COL5A1: variants seen among roughly 807,000 people sequenced by gnomAD.
COL5A1 encodes collagen type V alpha 1 chain.
Under a neutral mutation model 263.7 loss-of-function variants are expected in COL5A1, and 16 were observed. The observed-to-expected ratio is 0.06, with a 90% CI of 0.04 to 0.09. The LOEUF (loss-of-function observed/expected upper bound fraction) is 0.09, where lower values mean the gene tolerates loss of function less well. Among genes scored for constraint, COL5A1 ranks in the 10% least tolerant of loss-of-function variants. The pLI is 1.00. For synonymous variants in COL5A1, 1,012 were observed against 1,004.5 expected (o/e 1.01, Z -0.14); for missense variants, 2,036 against 2,540.5 (o/e 0.80, Z 4.27).
At position 134,821,051 on chromosome 9, in the gene COL5A1, G is replaced by A. The variant is rs1197833497; in HGVS notation, c.4554+828G>A. On this transcript the variant is annotated intron_variant, in intron 58 of 65. Coordinates refer to ENST00000371817, the MANE Select transcript of COL5A1 (RefSeq NM_000093.5). The surrounding 1 kb of genome is among the most constrained non-coding windows in gnomAD (Gnocchi z 4.2). ...GGTTGCAGGACATGGCTGAAGGGTG[G>A]AGCTCATTGCAAACCCTACCTCACT... 6.6e-6 allele frequency among the ~76,000 whole-genome samples: 1 copy of A among 152,086 alleles called. No individual in the cohort carries two copies. The highest frequency in any genetic ancestry group is 1.5e-5 in the Non-Finnish European group (1 of 68,008).
Position 134,679,690 on chromosome 9 carries a change from G to A in COL5A1, c.110-11222G>A, listed in dbSNP as rs374728895. On this transcript the variant is annotated intron_variant, in intron 1 of 65. Coordinates refer to ENST00000371817, the MANE Select transcript of COL5A1 (RefSeq NM_000093.5). ...ACTGCGGGGCTTCTTGGGGCACTGC[G>A]GGGCTGGTTAGGGGGCACTGCAGAG... is the stretch of plus-strand genomic sequence containing the variant. Among the ~76,000 whole-genome samples the A allele has an allele frequency of 1.8e-3, 236 of 133,504 alleles. 2 individuals carry two copies. The highest frequency in any genetic ancestry group is 6.5e-3 in the African/African-American group (219 of 33,842). The allele number at this position is 133,504 out of a possible 152,430, so 87.6% of individuals were successfully genotyped here.
At chr9:134,816,122 T>C in intron 52 of COL5A1, 134 bp downstream of exon 52, 3 of 828,252 alleles carry the variant, frequency 3.6e-6, no homozygotes, top group Non-Finnish European at 4.1e-6. Context: ...TCGATTCCCT[T>C]ATGATATTGA....
intron 1 of COL5A1, among the ~76,000 whole-genome samples, chr9:134,685,827 T>TCCA (rs1156713246): frequency 6.9e-6 from 1 of 144,388 alleles, no homozygotes; most frequent in Admixed American, 6.9e-5. Flanking sequence ...CATCCATCCA[T>TCCA]CCATCCATCC....
chr9:134,700,409 A>G lies in COL5A1; in HGVS notation c.491+287A>G, dbSNP rs966685825. Reference sequence around the variant, plus strand: ...TCAAATTCCCGCCTGTTTGTGTCAGAAGGGACACAGGAAATTGTGAGGTTA... The same window carrying G: ...TCAAATTCCCGCCTGTTTGTGTCAGGAGGGACACAGGAAATTGTGAGGTTA... On this transcript the variant is annotated intron_variant, in intron 3 of 65. Coordinates refer to ENST00000371817, the MANE Select transcript of COL5A1 (RefSeq NM_000093.5). This position sits in a 1 kb window ranked among gnomAD's most constrained non-coding sequence, Gnocchi z 4.0. Among the ~76,000 whole-genome samples the G allele has an allele frequency of 2.0e-5, 3 of 152,210 alleles. No homozygotes were observed. Among genetic ancestry groups the G allele is most frequent in the African/African-American group, 7.2e-5 (3 of 41,452 alleles).
rs1019541373 is a variant in COL5A1 at position 134,821,124 on chromosome 9, C to T, written c.4554+901C>T. ...GACTGTTTTCCTCTGCCGGTATCCC[C>T]AGGCCACAGCAGGGTCGTCGGAGGA... is the stretch of plus-strand genomic sequence containing the variant. On this transcript the variant is annotated intron_variant, in intron 58 of 65. Transcript: ENST00000371817. This position sits in a 1 kb window ranked among gnomAD's most constrained non-coding sequence, Gnocchi z 4.2. 1.3e-5 allele frequency among the ~76,000 whole-genome samples: 2 copies of T among 152,148 alleles called. No homozygotes were observed. The highest frequency in any genetic ancestry group is 2.9e-5 in the Non-Finnish European group (2 of 68,014).
rs764710151 is a variant in COL5A1, at chr9:134,812,757, GGAGT to G, written c.3852+47_3852+50del. The G allele has an allele frequency of 2.6e-5, 34 of 1,284,760 alleles. No individual in the cohort carries two copies. The Middle Eastern group carries it at 7.4e-4, about 28-fold the overall frequency. 79.6% of individuals were successfully genotyped at this position (1,284,760 alleles called of 1,614,324 possible). On this transcript the variant is annotated intron_variant, in intron 48 of 65. Coordinates refer to ENST00000371817, the MANE Select transcript of COL5A1 (RefSeq NM_000093.5). The stretch of plus-strand genomic sequence containing the variant: ...TGGTGGCAGATTTGCGGTTGTTTGA[GGAGT>G]GTGTGTGTGTGTCTGTGTGTGTGTG...
intron 48 of COL5A1, among the ~76,000 whole-genome samples, 193 bp from the exon 49 acceptor site, chr9:134,813,790 C>T (rs1027663803): frequency 1.3e-5 from 2 of 152,266 alleles, no homozygotes; most frequent in African/African-American, 2.4e-5. Context: ...CTGTATCCAT[C>T]ACGTGCCTGC....
intron 1 of COL5A1, among the ~76,000 whole-genome samples, chr9:134,685,548 GCATC>G (rs1374400707): frequency 2.1e-4 from 18 of 87,120 alleles, no homozygotes; most frequent in Non-Finnish European, 1.3e-4. Context: ...CATCCATCCA[GCATC>G]CATCCATCCA....
chr9:134,679,459 G>A (rs1365110768), intron 1 of COL5A1, among the ~76,000 whole-genome samples: 2 of 95,854 alleles, frequency 2.1e-5, no homozygotes, highest in African/African-American at 8.4e-5. Context: ...GGGGCACTGC[G>A]GGGCTTCTTA....
Position 134,789,742 on chromosome 9 carries a change from C to T in COL5A1, c.2700+534C>T, listed in dbSNP as rs548940285. ...TTTGTCCTCACCCTCAGCGAAGGAA[C>T]AGGGGGCCGGGCTGAGGGAGCTGTG... On this transcript the variant is annotated intron_variant, in intron 32 of 65. Transcript: ENST00000371817. The surrounding 1 kb of genome is among the most constrained non-coding windows in gnomAD (Gnocchi z 4.8). Among the ~76,000 whole-genome samples, 1 of 152,340 alleles carries T rather than the reference C, an allele frequency of 6.6e-6. No individual in the cohort carries two copies. Among genetic ancestry groups the T allele is most frequent in the Non-Finnish European group, 1.5e-5 (1 of 68,028 alleles).
chr9:134,687,027 C>T (rs183048205), intron 1 of COL5A1, among the ~76,000 whole-genome samples: 1 of 152,338 alleles, frequency 6.6e-6, no homozygotes, highest in East Asian at 1.9e-4. Flanking sequence ...TCCACTATCC[C>T]ATTTGGGGTT....
intron 64 of COL5A1, among the ~76,000 whole-genome samples, chr9:134,834,257 C>T (rs1347786427): frequency 6.6e-6 from 1 of 152,202 alleles, no homozygotes; most frequent in Non-Finnish European, 1.5e-5. Flanking sequence ...CGATCGGGTG[C>T]AGAGCTCTGC....
At chr9:134,838,082 C>G (rs73563913) in intron 65 of COL5A1, among the ~76,000 whole-genome samples, 1 of 152,186 alleles carries the variant, frequency 6.6e-6, no homozygotes, top group South Asian at 2.1e-4. Context: ...TTGTACTATC[C>G]GCCCATCGCC....
chr9:134,762,883 G>A (rs1007046981), intron 19 of COL5A1, among the ~76,000 whole-genome samples: 3 of 152,152 alleles, frequency 2.0e-5, no homozygotes, highest in Non-Finnish European at 4.4e-5. Context: ...GTGTGTGTGT[G>A]TGTGTATGCG....
At chr9:134,833,322 C>T (rs1839722220) in intron 64 of COL5A1, among the ~76,000 whole-genome samples, 1 of 152,224 alleles carries the variant, frequency 6.6e-6, no homozygotes, top group Non-Finnish European at 1.5e-5. Context: ...GGGCCTTGCA[C>T]CTGGTGGAGC....
At chr9:134,724,499 G>T (rs1257258177) in intron 4 of COL5A1, among the ~76,000 whole-genome samples, 1 of 152,180 alleles carries the variant, frequency 6.6e-6, no homozygotes, top group East Asian at 1.9e-4. Context: ...GCCCGTGTGC[G>T]CAGTGGTTGT....
intron 8 of COL5A1, 65 bp from the exon 9 acceptor site, chr9:134,732,006 A>G: frequency 6.3e-7 from 1 of 1,577,896 alleles, no homozygotes; most frequent in Non-Finnish European, 8.7e-7. Flanking sequence ...GATTTTGTGT[A>G]ATCTGGACTT....
intron 1 of COL5A1, among the ~76,000 whole-genome samples, chr9:134,662,162 A>T (rs1832227265): frequency 6.7e-6 from 1 of 150,172 alleles, no homozygotes; most frequent in Admixed American, 6.6e-5. Flanking sequence ...AAAAAAAAAA[A>T]ATTCCTCTGA....
intron 50 of COL5A1, 115 bp from the exon 51 acceptor site, chr9:134,815,461 T>C: frequency 9.6e-7 from 1 of 1,045,322 alleles, no homozygotes; most frequent in Non-Finnish European, 1.5e-6. Context: ...TGCTGGAAAG[T>C]CTTAGGAGCT....
Sources: allele counts gnomAD v4.1 joint callset (sites outside exome capture counted in the v4.1 genomes callset), GRCh38; gene constraint gnomAD v4.1.1; non-coding constraint Gnocchi (gnomAD v3.1); transcripts MANE v1.5; gene names NCBI Gene and HGNC (gene_info 2026-07-23, HGNC 2026-07-21).